ARL15: variants seen among roughly 807,000 people sequenced by gnomAD.
ARL15 encodes ARF like GTPase 15.
ARL15 carries 19 observed loss-of-function variants against 25.2 expected under a neutral mutation model. The ratio of observed to expected loss-of-function variants is 0.75; its 90% CI spans 0.53 to 1.10. The LOEUF is 1.10. ARL15 is among the 50% of genes least tolerant of loss of function. ARL15 has a pLI of 0.00. For synonymous variants in ARL15, 94 were observed against 86.8 expected (o/e 1.08, Z -0.46); for missense variants, 220 against 246.0 (o/e 0.89, Z 0.71).
chr5:54,308,445 G>C (rs1363499418), intron 1 of ARL15, among the ~76,000 whole-genome samples: 1 of 152,142 alleles, frequency 6.6e-6, no homozygotes, highest in African/African-American at 2.4e-5. Context: ...GGCAAGTAAA[G>C]CTTTTTAAAA....
At chr5:54,160,111 C>A (rs1754358500) in intron 2 of ARL15, among the ~76,000 whole-genome samples, 1 of 152,172 alleles carries the variant, frequency 6.6e-6, no homozygotes, top group Non-Finnish European at 1.5e-5. Context: ...TTGACCTGCA[C>A]CAAGGGCATG....
chr5:53,894,627 A>C (rs1744815786), intron 4 of ARL15, among the ~76,000 whole-genome samples: 1 of 152,184 alleles, frequency 6.6e-6, no homozygotes, highest in Admixed American at 6.5e-5. Flanking sequence ...TTCAGGGACT[A>C]ATGAAAGACA....
At chr5:53,956,750 T>G (rs192779077) in intron 4 of ARL15, among the ~76,000 whole-genome samples, 1 of 151,758 alleles carries the variant, frequency 6.6e-6, no homozygotes, top group African/African-American at 2.4e-5. Flanking sequence ...AATAAAGAGA[T>G]AGAAATTACA....
intron 4 of ARL15, among the ~76,000 whole-genome samples, chr5:54,029,344 C>A (rs988578553): frequency 2.1e-5 from 3 of 140,036 alleles, no homozygotes; most frequent in Non-Finnish European, 4.7e-5. Flanking sequence ...ACCACCACCA[C>A]CACCACCACC....
intron 1 of ARL15, among the ~76,000 whole-genome samples, chr5:54,193,720 C>T (rs1307837943): frequency 8.6e-6 from 1 of 116,560 alleles, no homozygotes; most frequent in East Asian, 2.0e-4. Context: ...TACAATAAAG[C>T]CTTCATTTTT....
intron 4 of ARL15, among the ~76,000 whole-genome samples, chr5:54,100,465 T>C (rs1438106130): frequency 1.3e-5 from 2 of 152,030 alleles, no homozygotes; most frequent in Non-Finnish European, 2.9e-5. Context: ...TATACTTACC[T>C]ATATGTTTGA....
chr5:54,220,878 G>A (rs1756353857), intron 1 of ARL15, among the ~76,000 whole-genome samples: 1 of 151,816 alleles, frequency 6.6e-6, no homozygotes, highest in South Asian at 2.1e-4. Flanking sequence ...TCTCGTCCTG[G>A]CACTAAGATA....
intron 4 of ARL15, among the ~76,000 whole-genome samples, chr5:54,001,194 G>T (rs757461858): frequency 1.3e-5 from 2 of 152,102 alleles, no homozygotes; most frequent in Non-Finnish European, 2.9e-5. Flanking sequence ...GTGTGCTTAG[G>T]TACTAGACTC....
chr5:53,907,318 T>C (rs903967610), intron 4 of ARL15, among the ~76,000 whole-genome samples: 1 of 151,324 alleles, frequency 6.6e-6, no homozygotes, highest in African/African-American at 2.4e-5. Context: ...CACATATCTA[T>C]AGTTACTGGT....
At chr5:54,235,367 A>G (rs1404902362) in intron 1 of ARL15, among the ~76,000 whole-genome samples, 1 of 152,252 alleles carries the variant, frequency 6.6e-6, no homozygotes, top group Non-Finnish European at 1.5e-5. Context: ...GAAGTCTGAA[A>G]TATATGGTTA....
intron 4 of ARL15, among the ~76,000 whole-genome samples, chr5:53,894,946 G>A (rs948776944): frequency 9.9e-5 from 15 of 152,134 alleles, no homozygotes; most frequent in African/African-American, 3.4e-4. Flanking sequence ...TAAATTCCCT[G>A]TAAATAAAAT....
At chr5:53,917,662 G>A (rs1745698834) in intron 4 of ARL15, among the ~76,000 whole-genome samples, 1 of 152,144 alleles carries the variant, frequency 6.6e-6, no homozygotes, top group African/African-American at 2.4e-5. Context: ...ATTGATTCAG[G>A]AAACAGTGCT....
At chr5:54,188,665 C>A (rs750960042) in intron 1 of ARL15, among the ~76,000 whole-genome samples, 3 of 152,040 alleles carry the variant, frequency 2.0e-5, no homozygotes, top group African/African-American at 4.8e-5. Context: ...CAGAAAAATG[C>A]AAGAATTCTC....
intron 4 of ARL15, among the ~76,000 whole-genome samples, chr5:54,079,586 T>C (rs1323556760): frequency 1.3e-5 from 2 of 152,166 alleles, no homozygotes; most frequent in African/African-American, 4.8e-5. Flanking sequence ...ACAAGATAGA[T>C]AGATACCTGT....
chr5:54,159,612 G>A (rs913616518), intron 2 of ARL15, among the ~76,000 whole-genome samples: 11 of 152,154 alleles, frequency 7.2e-5, no homozygotes, highest in Admixed American at 6.5e-4. Context: ...AAGGCTTCAC[G>A]GTTAAGTCTC....
chr5:54,140,247 A>G (rs1444194882), intron 3 of ARL15, among the ~76,000 whole-genome samples: 2 of 71,016 alleles, frequency 2.8e-5, no homozygotes, highest in Non-Finnish European at 5.2e-5. Context: ...CATTTAGAAG[A>G]TTTTGAAAGA....
At chr5:53,976,432 C>A (rs957087612) in intron 4 of ARL15, among the ~76,000 whole-genome samples, 1 of 152,268 alleles carries the variant, frequency 6.6e-6, no homozygotes, top group African/African-American at 2.4e-5. Context: ...ATGCATAGAG[C>A]GTCTTCTATG....
chr5:53,920,853 C>T (rs187960257), intron 4 of ARL15, among the ~76,000 whole-genome samples: 234 of 152,176 alleles, frequency 1.5e-3, no homozygotes, highest in African/African-American at 4.0e-3. Flanking sequence ...TCTTGGGAGT[C>T]GGGGCACAAC....
intron 4 of ARL15, among the ~76,000 whole-genome samples, chr5:54,112,739 C>G (rs1318249179): frequency 6.6e-6 from 1 of 152,132 alleles, no homozygotes; most frequent in East Asian, 1.9e-4. Flanking sequence ...TGCAAGACAT[C>G]AATTTTCAGC....
Sources: allele counts gnomAD v4.1 joint callset (sites outside exome capture counted in the v4.1 genomes callset), GRCh38; gene constraint gnomAD v4.1.1; transcripts MANE v1.5; gene names NCBI Gene and HGNC (gene_info 2026-07-23, HGNC 2026-07-21).